The following ZNF521 variants were observed in gnomAD, a reference collection of about 807,000 sequenced individuals.
The protein encoded by ZNF521 is zinc finger protein 521.
ZNF521 carries 14 observed loss-of-function variants against 105.5 expected under a neutral mutation model. The observed-to-expected ratio is 0.13, with a 90% CI of 0.09 to 0.21. The LOEUF is 0.21. Ranked by LOEUF, ZNF521 falls within the 10% of genes least tolerant of loss-of-function variation. The probability of loss-of-function intolerance (pLI) is 1.00; values close to 1 mark genes in which losing one functional copy is unlikely to be tolerated. For missense variants in ZNF521, 1,233 were observed against 1,629.7 expected (o/e 0.76, Z 4.19); for synonymous variants, 635 against 606.0 (o/e 1.05, Z -0.70).
At chr18:25,078,649 C>T (rs1414941302) in intron 7 of ZNF521, among the ~76,000 whole-genome samples, 1 of 152,224 alleles carries the variant, frequency 6.6e-6, no homozygotes, top group Non-Finnish European at 1.5e-5. Flanking sequence ...AGTAGGTCCC[C>T]TATGGCATCA....
intron 5 of ZNF521, among the ~76,000 whole-genome samples, chr18:25,153,414 A>G (rs1407737515): frequency 6.6e-6 from 1 of 152,158 alleles, no homozygotes; most frequent in African/African-American, 2.4e-5. Context: ...TACTGGGATA[A>G]TGAGAAGCTT....
intron 3 of ZNF521, among the ~76,000 whole-genome samples, chr18:25,291,128 A>C (rs1910995134): frequency 6.6e-6 from 1 of 152,176 alleles, no homozygotes; most frequent in South Asian, 2.1e-4. Context: ...GATATAATTG[A>C]ATGATAAGAA....
intron 4 of ZNF521, among the ~76,000 whole-genome samples, chr18:25,198,848 T>C (rs564958852): frequency 1.3e-5 from 2 of 152,052 alleles, no homozygotes; most frequent in South Asian, 2.1e-4. Flanking sequence ...TAATCATTAA[T>C]GGATGCTGAA....
At chr18:25,280,360 T>G (rs1910286787) in intron 3 of ZNF521, among the ~76,000 whole-genome samples, 1 of 152,080 alleles carries the variant, frequency 6.6e-6, no homozygotes, top group African/African-American at 2.4e-5. Context: ...TCAGGCACTT[T>G]TACAAAGAAA....
At chr18:25,073,602 C>A (rs1325863341) in intron 7 of ZNF521, among the ~76,000 whole-genome samples, 1 of 152,128 alleles carries the variant, frequency 6.6e-6, no homozygotes, top group African/African-American at 2.4e-5. Context: ...AAGCACAGGG[C>A]GTTGTAATTT....
chr18:25,081,168 C>A (rs1356609670), intron 7 of ZNF521, among the ~76,000 whole-genome samples: 1 of 152,186 alleles, frequency 6.6e-6, no homozygotes, highest in Non-Finnish European at 1.5e-5. Flanking sequence ...GGCCACAGTG[C>A]TCTTCAGTAC....
chr18:25,272,940 G>A (rs1353915462), intron 3 of ZNF521, among the ~76,000 whole-genome samples: 3 of 151,578 alleles, frequency 2.0e-5, no homozygotes, highest in African/African-American at 4.8e-5. Flanking sequence ...TCCTAATAAC[G>A]TTTAGGCCAG....
chr18:25,252,965 C>T (rs777524869), intron 3 of ZNF521, among the ~76,000 whole-genome samples: 36 of 151,992 alleles, frequency 2.4e-4, no homozygotes, highest in Non-Finnish European at 3.7e-4. Context: ...CTTATAAAAA[C>T]CTTATCCATA....
At chr18:25,217,786 G>A (rs1274475951) in intron 4 of ZNF521, among the ~76,000 whole-genome samples, 2 of 152,186 alleles carry the variant, frequency 1.3e-5, no homozygotes, top group Admixed American at 6.5e-5. Flanking sequence ...TAATCACAAA[G>A]CAGTGTAACA....
chr18:25,283,750 AC>A (rs34548675), intron 3 of ZNF521, among the ~76,000 whole-genome samples: 2 of 152,168 alleles, frequency 1.3e-5, no homozygotes, highest in Non-Finnish European at 2.9e-5. Context: ...AGATCTGAAT[AC>A]CCCCATCATC....
chr18:25,168,861 G>A (rs1201435514), intron 5 of ZNF521, among the ~76,000 whole-genome samples: 1 of 152,128 alleles, frequency 6.6e-6, no homozygotes, highest in African/African-American at 2.4e-5. Context: ...ATTTCTCCCA[G>A]CTGCAGTAGT....
At chr18:25,079,518 A>G (rs867389289) in intron 7 of ZNF521, among the ~76,000 whole-genome samples, 1 of 152,212 alleles carries the variant, frequency 6.6e-6, no homozygotes, top group Admixed American at 6.5e-5. Flanking sequence ...CCCTAGTTAA[A>G]TGACAATTCT....
At position 25,226,162 on chromosome 18, in the gene ZNF521, T is replaced by C. The variant is rs1254164713; in HGVS notation, c.1756A>G (p.Lys586Glu). ...KLNKHIKENHKNIPLALNYIH... is the reference protein window; with the variant it reads ...KLNKHIKENHENIPLALNYIH... ...TAATTCAGGGCCAAGGGAATGTTTTTATGATTCTCTTTGATATGCTTGTTC... is the reference window on the plus strand; with the variant it reads ...TAATTCAGGGCCAAGGGAATGTTTTCATGATTCTCTTTGATATGCTTGTTC... Residue 586 changes from lysine to glutamate, a missense_variant, in exon 4 of 8, where the codon AAA (lysine) becomes GAA (glutamate). This residue lies in a region of ZNF521 where 2 missense variants were observed against 21.4 expected (regional missense o/e 0.09). Transcript: ENST00000361524. The surrounding 1 kb of genome is among the most constrained non-coding windows in gnomAD (Gnocchi z 4.1). The C allele has an allele frequency of 6.2e-7, 1 of 1,614,088 alleles. No homozygotes were observed. The highest frequency in any genetic ancestry group is 2.2e-5 in the East Asian group (1 of 44,878).
chr18:25,277,613 T>C (rs1341078543), intron 3 of ZNF521, among the ~76,000 whole-genome samples: 2 of 152,210 alleles, frequency 1.3e-5, no homozygotes, highest in East Asian at 1.9e-4. Flanking sequence ...TTACCTTATC[T>C]TTCTGTGAGG....
chr18:25,286,190 A>C (rs1910698525), intron 3 of ZNF521, among the ~76,000 whole-genome samples: 1 of 152,164 alleles, frequency 6.6e-6, no homozygotes, highest in Non-Finnish European at 1.5e-5. Context: ...AATACTGAAG[A>C]GCTCTGGCAC....
At chr18:25,211,534 A>G (rs2036178973) in intron 4 of ZNF521, among the ~76,000 whole-genome samples, 1 of 152,120 alleles carries the variant, frequency 6.6e-6, no homozygotes, top group Non-Finnish European at 1.5e-5. Flanking sequence ...CATGCTTCCT[A>G]TTTGTGAAAT....
At chr18:25,092,753 A>G (rs1181585424) in intron 5 of ZNF521, among the ~76,000 whole-genome samples, 1 of 152,142 alleles carries the variant, frequency 6.6e-6, no homozygotes, top group African/African-American at 2.4e-5. Flanking sequence ...GGCTCACTTG[A>G]CTAGCCCTGA....
chr18:25,068,386 C>A (rs117582619), intron 7 of ZNF521, among the ~76,000 whole-genome samples: 1 of 152,158 alleles, frequency 6.6e-6, no homozygotes. Context: ...TGAGGATAAT[C>A]GGTATGCTCT....
intron 3 of ZNF521, among the ~76,000 whole-genome samples, chr18:25,237,129 C>T (rs907399615): frequency 2.6e-5 from 4 of 151,974 alleles, no homozygotes; most frequent in African/African-American, 9.7e-5. Context: ...TGGTAACAGC[C>T]CTGGTAATTT....
Sources: gnomAD v4.1 joint callset for allele counts (sites outside exome capture counted in the v4.1 genomes callset) on GRCh38, gnomAD v4.1.1 for gene constraint, gnomAD v4.1.1 regional missense constraint, Gnocchi (gnomAD v3.1) non-coding constraint, MANE v1.5 for transcripts, NCBI Gene and HGNC (gene_info 2026-07-23, HGNC 2026-07-21) for gene names.